ZFP64: variants seen among roughly 807,000 people sequenced by gnomAD.
ZFP64 encodes the protein zinc finger protein 64.
In ZFP64, 14 loss-of-function variants were observed where a neutral mutation model predicts 51.6. The ratio of observed to expected loss-of-function variants is 0.27; its 90% CI spans 0.18 to 0.42. The LOEUF (loss-of-function observed/expected upper bound fraction) is 0.42. Ranked by LOEUF, ZFP64 falls within the 10% of genes least tolerant of loss-of-function variation. The pLI is 1.00. For synonymous variants in ZFP64, 375 were observed against 361.4 expected, an observed-to-expected ratio of 1.04 and a Z score of -0.43; for missense variants, 754 against 906.8, an observed-to-expected ratio of 0.83 and a Z score of 2.16.
At chr20:52,094,927 C>CAT (rs1218502698) in intron 7 of ZFP64, among the ~76,000 whole-genome samples, 2 of 152,194 alleles carry the variant, frequency 1.3e-5, no homozygotes, top group African/African-American at 4.8e-5. Flanking sequence ...GACCTTGAGG[C>CAT]ATGCCCAAAG....
chr20:52,126,251 C>T (rs142768727), intron 5 of ZFP64, among the ~76,000 whole-genome samples: 1 of 152,306 alleles, frequency 6.6e-6, no homozygotes, highest in African/African-American at 2.4e-5. Flanking sequence ...AAGGTAGGTA[C>T]TTTTACTATC....
chr20:52,089,740 CAAAA>C lies in ZFP64; in HGVS notation c.977-1101_977-1098del, dbSNP rs35524410. Among the ~76,000 whole-genome samples the C allele has an allele frequency of 4.1e-3, 537 of 131,390 alleles. 6 individuals are homozygous for C. The South Asian group carries it at 0.05, about 12-fold the overall frequency. 86.2% of individuals were successfully genotyped at this position (131,390 alleles called of 152,430 possible). On this transcript the variant is annotated intron_variant, in intron 7 of 8. Coordinates refer to the ZFP64 transcript ENST00000361387. ...TGGGTGACAGAGCAAGACACTGTCT[CAAAA>C]AAAAAAAAAAAAAAATGAACCTTAC... is the stretch of plus-strand genomic sequence containing the variant.
chr20:52,190,300 A>G (rs1182021696), intron 1 of ZFP64, among the ~76,000 whole-genome samples: 3 of 152,222 alleles, frequency 2.0e-5, no homozygotes, highest in African/African-American at 7.2e-5. Context: ...ACCCAGAATG[A>G]AAGGATTTTC....
chr20:52,151,954 T>C lies in ZFP64; in HGVS notation c.*192A>G, dbSNP rs1254965897. ...CGGAGGGCTGAGGCATGAGAATCGCTTGAACCTGGGAGGCGGACGTTGCAG... is the reference window on the plus strand; with the variant it reads ...CGGAGGGCTGAGGCATGAGAATCGCCTGAACCTGGGAGGCGGACGTTGCAG... On this transcript the variant is annotated 3_prime_UTR_variant, in exon 6 of 6. Transcript: ENST00000216923. 2.4e-6 allele frequency: 3 copies of C among 1,275,716 alleles called. No homozygotes were observed. The highest frequency in any genetic ancestry group is 2.9e-4 in the Middle Eastern group (1 of 3,496). The allele number at this position is 1,275,716 out of a possible 1,614,324, so 79.0% of individuals were successfully genotyped here. A position where few individuals can be genotyped will look rare whatever the true frequency, so the allele number is the denominator to read the frequency against.
intron 3 of ZFP64, chr20:52,164,978 A>G (rs1207982546): frequency 3.0e-6 from 2 of 668,062 alleles, no homozygotes; most frequent in Non-Finnish European, 5.5e-6. Flanking sequence ...ATAAGGAAAC[A>G]TCAAATAAAC....
Position 52,099,351 on chromosome 20 carries a change from G to A in ZFP64, c.764-764C>T, listed in dbSNP as rs141873695. Among the ~76,000 whole-genome samples the A allele has an allele frequency of 2.7e-3, 412 of 151,858 alleles. 2 individuals are homozygous for A. Among genetic ancestry groups the A allele is most frequent in the Middle Eastern group, 6.8e-3 (2 of 294 alleles). ...TTTTTTTTTTAAGATGCTTACTCTG[G>A]ATTTCTGATTTGTTTTGCCTCAGTT... On this transcript the variant is annotated intron_variant, in intron 5 of 8. Coordinates refer to the ZFP64 transcript ENST00000361387.
At chr20:52,104,596 C>T in intron 5 of ZFP64, 2 of 424,754 alleles carry the variant, frequency 4.7e-6, no homozygotes, top group South Asian at 1.8e-5. Flanking sequence ...GCAGCGCTGA[C>T]GCCCTGGGTC....
downstream of ZFP64, among the ~76,000 whole-genome samples, chr20:52,147,830 C>T (rs1462501889): frequency 6.6e-6 from 1 of 152,074 alleles, no homozygotes; most frequent in Non-Finnish European, 1.5e-5. Context: ...GCCTGGTCCA[C>T]ATGGCGAAAC....
chr20:52,109,143 T>C (rs948778205), intron 5 of ZFP64, among the ~76,000 whole-genome samples: 2 of 151,924 alleles, frequency 1.3e-5, no homozygotes, highest in African/African-American at 2.4e-5. Flanking sequence ...GAAGCTCTTT[T>C]TTTTAGAAGA....
At chr20:52,127,200 T>A (rs2122869412) in intron 5 of ZFP64, among the ~76,000 whole-genome samples, 1 of 152,284 alleles carries the variant, frequency 6.6e-6, no homozygotes, top group East Asian at 1.9e-4. Context: ...TCCGCCGGCC[T>A]CGGCCTCCCA....
intron 2 of ZFP64, among the ~76,000 whole-genome samples, chr20:52,175,738 G>C (rs1983142145): frequency 6.6e-6 from 1 of 152,134 alleles, no homozygotes; most frequent in African/African-American, 2.4e-5. Context: ...CAGGCACGTG[G>C]GAGGCTGAGG....
At chr20:52,134,311 A>G (rs900439066) in intron 5 of ZFP64, among the ~76,000 whole-genome samples, 1 of 152,230 alleles carries the variant, frequency 6.6e-6, no homozygotes, top group Non-Finnish European at 1.5e-5. Flanking sequence ...TCAGGAGAGA[A>G]GCTTGCCTGT....
At chr20:52,088,591 G>T (rs771070268) in exon 8 of ZFP64, 5 of 1,614,086 alleles carry the variant, frequency 3.1e-6, no homozygotes, top group Non-Finnish European at 4.2e-6. Flanking sequence ...TGGTCAGGTT[G>T]TCCTTCCGGC....
chr20:52,097,074 T>A, intron 7 of ZFP64: 1 of 700,864 alleles, frequency 1.4e-6, no homozygotes, highest in South Asian at 1.4e-5. Context: ...CTCCTTTGCT[T>A]CAGCAGGTCT....
At chr20:52,182,095 G>T (rs1983655753) in intron 2 of ZFP64, among the ~76,000 whole-genome samples, 1 of 152,164 alleles carries the variant, frequency 6.6e-6, no homozygotes, top group African/African-American at 2.4e-5. Context: ...CCTTTATGTG[G>T]ATTATCGCAG....
chr20:52,167,951 A>G (rs1167425436), intron 2 of ZFP64, among the ~76,000 whole-genome samples: 1 of 152,222 alleles, frequency 6.6e-6, no homozygotes, highest in African/African-American at 2.4e-5. Context: ...TAGATTGTAA[A>G]ATGTGTCATA....
intron 5 of ZFP64, among the ~76,000 whole-genome samples, chr20:52,145,324 A>G (rs1159208988): frequency 6.6e-6 from 1 of 152,228 alleles, no homozygotes; most frequent in Non-Finnish European, 1.5e-5. Context: ...ACACAATGGT[A>G]AGTACTTGTC....
downstream of ZFP64, among the ~76,000 whole-genome samples, chr20:52,149,787 T>G (rs1980699878): frequency 6.6e-6 from 1 of 152,194 alleles, no homozygotes; most frequent in Non-Finnish European, 1.5e-5. Flanking sequence ...ATGTATTATA[T>G]ATGGAAGGCA....
intron 5 of ZFP64, chr20:52,105,339 G>T: frequency 1.6e-6 from 2 of 1,249,426 alleles, no homozygotes; most frequent in Non-Finnish European, 2.0e-6. Context: ...GAACGCGCAT[G>T]TCCCGGCAAT....
Sources: gnomAD v4.1 joint callset for allele counts (sites outside exome capture counted in the v4.1 genomes callset) on GRCh38, gnomAD v4.1.1 for gene constraint, MANE v1.5 for transcripts, NCBI Gene and HGNC (gene_info 2026-07-23, HGNC 2026-07-21) for gene names.